The following MCRIP1 variants were observed in gnomAD, a reference collection of about 807,000 sequenced individuals.
MCRIP1 encodes mapk-regulated corepressor-interacting protein 1.
A neutral mutation model predicts 14.4 loss-of-function variants in MCRIP1; 10 were observed. That is an observed-to-expected ratio of 0.70 (90% CI 0.43 to 1.18). The LOEUF (loss-of-function observed/expected upper bound fraction) is 1.18, where lower values mean the gene tolerates loss of function less well. MCRIP1 is among the 50% of genes most tolerant of loss of function. The pLI is 0.00. For missense variants in MCRIP1, 119 were observed against 135.4 expected, an observed-to-expected ratio of 0.88 and a Z score of 0.60; for synonymous variants, 53 against 55.7, an observed-to-expected ratio of 0.95 and a Z score of 0.21.
intron 1 of MCRIP1, chr17:81,825,389 G>T: frequency 8.4e-7 from 1 of 1,185,826 alleles, no homozygotes; most frequent in East Asian, 5.9e-5. Context: ...TGACAGGGCT[G>T]GTCTCCAGCC....
chr17:81,829,129 G>C (rs547128690), intron 1 of MCRIP1, among the ~76,000 whole-genome samples: 1 of 152,200 alleles, frequency 6.6e-6, no homozygotes, highest in Non-Finnish European at 1.5e-5. Flanking sequence ...AGCGCCGGGG[G>C]CAGCCGGAAA....
rs565570218 is a variant in MCRIP1, at chr17:81,824,399, G to T, written c.15C>A (p.Pro5=). ...TGCCGTTGTACACGACTCTGGAGACGGGGGAGCTGGGGGAGCCTGGCGCAT... is the reference window on the plus strand; with the variant it reads ...TGCCGTTGTACACGACTCTGGAGACTGGGGAGCTGGGGGAGCCTGGCGCAT... The part of the protein sequence containing the change: MTSS[P]VSRVVYNGKR... The change falls in exon 3 of 5, where the codon CCC becomes CCA. Residue 5 remains proline, a synonymous_variant. Coordinates refer to ENST00000455127, the MANE Select transcript of MCRIP1 (RefSeq NM_207368.5). 4 of 1,533,732 alleles carry T rather than the reference G, an allele frequency of 2.6e-6. No individual in the cohort carries two copies. Among genetic ancestry groups the T allele is most frequent in the Non-Finnish European group, 3.5e-6 (4 of 1,144,876 alleles).
At chr17:81,830,809 G>T (rs1397554979) in intron 1 of MCRIP1, among the ~76,000 whole-genome samples, 1 of 151,578 alleles carries the variant, frequency 6.6e-6, no homozygotes, top group Non-Finnish European at 1.5e-5. Context: ...GATCATAGGA[G>T]GTCAGGAGTT....
chr17:81,827,097 G>A (rs1245491488), intron 1 of MCRIP1, among the ~76,000 whole-genome samples: 5 of 149,468 alleles, frequency 3.3e-5, no homozygotes, highest in Non-Finnish European at 7.4e-5. Flanking sequence ...CAGCTTGGGC[G>A]ACAGAGCAAG....
In MCRIP1 at chr17:81,823,772, G is replaced by C; in HGVS notation, c.128-259C>G. The C allele has an allele frequency of 1.7e-6, 1 of 588,468 alleles. No homozygotes were observed. The highest frequency in any genetic ancestry group is 2.1e-5 in the South Asian group (1 of 48,660). 36.5% of individuals were successfully genotyped at this position (588,468 alleles called of 1,614,324 possible). ...GAGGGACCCCTATGACCCTACCCCA[G>C]GCTTCCCTGCGCCTCGGAGGCAGCG... On this transcript the variant is annotated intron_variant, in intron 3 of 4. Coordinates refer to ENST00000455127, the MANE Select transcript of MCRIP1 (RefSeq NM_207368.5). This position sits in a 1 kb window ranked among gnomAD's most constrained non-coding sequence, Gnocchi z 6.0.
intron 1 of MCRIP1, chr17:81,826,226 C>G (rs989568808): frequency 4.9e-6 from 3 of 609,012 alleles, no homozygotes; most frequent in Non-Finnish European, 6.4e-6. Context: ...GCCTTGTGTG[C>G]ACACACACAC....
chr17:81,825,382 C>G, intron 1 of MCRIP1: 1 of 1,184,170 alleles, frequency 8.4e-7, no homozygotes, highest in Non-Finnish European at 1.1e-6. Context: ...GGGAAGCTGA[C>G]AGGGCTGGTC....
At chr17:81,824,142 G>A (rs1189106164) in intron 3 of MCRIP1, 145 bp downstream of exon 3, 1 of 715,732 alleles carries the variant, frequency 1.4e-6, no homozygotes, top group Non-Finnish European at 2.4e-6. Context: ...CCTGAAGGCT[G>A]TGGACACAGT....
intron 1 of MCRIP1, among the ~76,000 whole-genome samples, 184 bp downstream of exon 1, chr17:81,833,054 T>C (rs1397645423): frequency 6.7e-6 from 1 of 150,296 alleles, no homozygotes; most frequent in African/African-American, 2.4e-5. Flanking sequence ...CGCGCCCTCC[T>C]GCAGGTGCCG....
At chr17:81,832,203 C>T (rs1178173935) in intron 1 of MCRIP1, among the ~76,000 whole-genome samples, 1 of 152,148 alleles carries the variant, frequency 6.6e-6, no homozygotes, top group Non-Finnish European at 1.5e-5. Context: ...TTTCAGCCAA[C>T]GAGGCTAGAA....
In MCRIP1 at chr17:81,823,393, C is replaced by G; in HGVS notation, c.229+19G>C. 6.5e-7 allele frequency: 1 copy of G among 1,536,534 alleles called. No individual in the cohort carries two copies. The highest frequency in any genetic ancestry group is 2.0e-5 in the Admixed American group (1 of 50,984). ...CGGCCTGCCGGCCCAGCCCTGCCCC[C>G]AGGTCAGCCCCCACTCACTCTTCAG... On this transcript the variant is annotated intron_variant, in intron 4 of 4. Transcript: ENST00000455127. The surrounding 1 kb of genome is among the most constrained non-coding windows in gnomAD (Gnocchi z 6.0).
intron 1 of MCRIP1, chr17:81,825,951 A>G (rs1235966335): frequency 7.7e-7 from 1 of 1,307,124 alleles, no homozygotes; most frequent in African/African-American, 1.5e-5. Flanking sequence ...AGCTCAGGTA[A>G]CAGGTAGACT....
chr17:81,826,817 C>CAAAAAAA (rs1169330913), intron 1 of MCRIP1, among the ~76,000 whole-genome samples: 2 of 47,048 alleles, frequency 4.3e-5, no homozygotes, highest in African/African-American at 1.5e-4. Context: ...GACTCCATCT[C>CAAAAAAA]AAAAAAAAAA....
rs374189164 is a variant in MCRIP1, at chr17:81,823,751, G to A, written c.128-238C>T. 2.4e-5 allele frequency: 14 copies of A among 594,324 alleles called. No homozygotes were observed. Among genetic ancestry groups the A allele is most frequent in the South Asian group, 2.0e-4 (10 of 49,944 alleles). 36.8% of individuals were successfully genotyped at this position (594,324 alleles called of 1,614,324 possible). ...AGATGACCAGGACTGTGGTCAGAGG[G>A]ACCCCTATGACCCTACCCCAGGCTT... is the stretch of plus-strand genomic sequence containing the variant. On this transcript the variant is annotated intron_variant, in intron 3 of 4. Transcript: ENST00000455127. This position sits in a 1 kb window ranked among gnomAD's most constrained non-coding sequence, Gnocchi z 6.0.
intron 1 of MCRIP1, among the ~76,000 whole-genome samples, chr17:81,826,886 G>C (rs905172851): frequency 6.7e-6 from 1 of 149,700 alleles, no homozygotes. Flanking sequence ...TTGGGAGGCC[G>C]AGGCGGGTGG....
At chr17:81,825,755 C>A in intron 1 of MCRIP1, 1 of 1,289,406 alleles carries the variant, frequency 7.8e-7, no homozygotes, top group Non-Finnish European at 1.0e-6. Flanking sequence ...TCCCCACCCA[C>A]GGCAGCACCC....
In MCRIP1 at chr17:81,823,579, A is replaced by G; in HGVS notation, c.128-66T>C. On this transcript the variant is annotated intron_variant, in intron 3 of 4. Transcript: ENST00000455127. This position sits in a 1 kb window ranked among gnomAD's most constrained non-coding sequence, Gnocchi z 6.0. ...CAGGGGGTGGCATCCACGTCACGAG[A>G]GTGCCTGCCCTCAGCTCCTGCCCTC... 7.5e-7 allele frequency: 1 copy of G among 1,341,250 alleles called. No individual in the cohort carries two copies. The highest frequency in any genetic ancestry group is 1.0e-6 in the Non-Finnish European group (1 of 972,948). 83.1% of individuals were successfully genotyped at this position (1,341,250 alleles called of 1,614,324 possible). A position where few individuals can be genotyped will look rare whatever the true frequency, so the allele number is the denominator to read the frequency against.
Position 81,825,122 on chromosome 17 carries a change from A to G in MCRIP1, c.-48-568T>C, listed in dbSNP as rs528103649. ...GTCCAGCTTCCTGGTTCCCTAGAGC[A>G]TGAGCCACATCAGTACCCTGGAGAT... On this transcript the variant is annotated intron_variant, in intron 1 of 4. Coordinates refer to ENST00000455127, the MANE Select transcript of MCRIP1 (RefSeq NM_207368.5). 429 of 1,019,232 alleles carry G rather than the reference A, an allele frequency of 4.2e-4. 2 individuals carry two copies. In the African/African-American group the frequency reaches 7.2e-3, roughly 17 times the overall value. The allele number at this position is 1,019,232 out of a possible 1,614,324, so 63.1% of individuals were successfully genotyped here.
In MCRIP1 at chr17:81,826,313, C is replaced by A. The variant is rs1018108693; in HGVS notation, c.-48-1759G>T. On this transcript the variant is annotated intron_variant, in intron 1 of 4. Coordinates refer to ENST00000455127, the MANE Select transcript of MCRIP1 (RefSeq NM_207368.5). ...ACATCTGCCACACACATGCATACAA[C>A]CGCCCGCACACACCTGTCTGTACAC... 19 of 1,535,272 alleles carry A rather than the reference C, an allele frequency of 1.2e-5. No individual in the cohort carries two copies. The African/African-American group carries it at 2.5e-4, about 20-fold the overall frequency.
Sources: gnomAD v4.1 joint callset for allele counts (sites outside exome capture counted in the v4.1 genomes callset) on GRCh38, gnomAD v4.1.1 for gene constraint, Gnocchi (gnomAD v3.1) non-coding constraint, MANE v1.5 for transcripts, NCBI Gene and HGNC (gene_info 2026-07-23, HGNC 2026-07-21) for gene names.